KCNMA1: variants seen among roughly 807,000 people sequenced by gnomAD.
KCNMA1 encodes potassium calcium-activated channel subfamily M alpha 1.
Under a neutral mutation model 140.0 loss-of-function variants are expected in KCNMA1, and 29 were observed. The ratio of observed to expected loss-of-function variants is 0.21; its 90% CI spans 0.15 to 0.28. The LOEUF (loss-of-function observed/expected upper bound fraction) is 0.28. Ranked by LOEUF, KCNMA1 falls within the 10% of genes least tolerant of loss-of-function variation. KCNMA1 has a pLI of 1.00. For missense variants in KCNMA1, 880 were observed against 1,602.2 expected, an observed-to-expected ratio of 0.55 and a Z score of 7.70; for synonymous variants, 612 against 611.9, an observed-to-expected ratio of 1.00 and a Z score of 0.00.
chr10:77,137,559 C>T (rs1395423984), intron 5 of KCNMA1, among the ~76,000 whole-genome samples: 2 of 152,152 alleles, frequency 1.3e-5, no homozygotes, highest in African/African-American at 4.8e-5. Context: ...CTCCCATCCC[C>T]AGCTTGGTCA....
chr10:77,330,697 G>A (rs899010012), intron 2 of KCNMA1, among the ~76,000 whole-genome samples: 63 of 152,260 alleles, frequency 4.1e-4, no homozygotes, highest in Non-Finnish European at 4.3e-4. Context: ...AGCTATCAGT[G>A]AATGGCAAAA....
chr10:77,464,699 C>G (rs550378091), intron 1 of KCNMA1, among the ~76,000 whole-genome samples: 1 of 152,118 alleles, frequency 6.6e-6, no homozygotes, highest in African/African-American at 2.4e-5. Flanking sequence ...GCCAGGCTCC[C>G]GGCCCTCTAA....
Position 77,172,588 on chromosome 10 carries a change from A to G in KCNMA1, c.808+10833T>C, listed in dbSNP as rs888686803. Among the ~76,000 whole-genome samples, 18 of 152,148 alleles carry G rather than the reference A, an allele frequency of 1.2e-4. 1 individual carries two copies. Among genetic ancestry groups the G allele is most frequent in the Admixed American group, 2.0e-4 (3 of 15,290 alleles). ...GCTGGGCTGCCTTCTTCAGAGCCCA[A>G]TCATAGGGACAGAACTTAATAATGA... On this transcript the variant is annotated intron_variant, in intron 5 of 27. Transcript: ENST00000286628.
At chr10:77,156,575 G>GT (rs1279242093) in intron 5 of KCNMA1, among the ~76,000 whole-genome samples, 1 of 152,172 alleles carries the variant, frequency 6.6e-6, no homozygotes, top group Middle Eastern at 3.2e-3. Flanking sequence ...AATTGTCCTT[G>GT]TAAAACTAAC....
intron 1 of KCNMA1, among the ~76,000 whole-genome samples, chr10:77,539,837 C>T (rs572355821): frequency 8.5e-5 from 13 of 152,278 alleles, no homozygotes; most frequent in African/African-American, 3.1e-4. Flanking sequence ...GCTGGGGAAG[C>T]AGTGGGAATA....
At chr10:77,621,122 A>G (rs2091234289) in intron 1 of KCNMA1, among the ~76,000 whole-genome samples, 1 of 152,368 alleles carries the variant, frequency 6.6e-6, no homozygotes, top group African/African-American at 2.4e-5. Flanking sequence ...AGAGAGCCAT[A>G]TTGAAATATA....
chr10:77,358,048 T>C (rs1002491074), intron 2 of KCNMA1, among the ~76,000 whole-genome samples: 1 of 152,142 alleles, frequency 6.6e-6, no homozygotes, highest in Non-Finnish European at 1.5e-5. Flanking sequence ...CAGATAAATA[T>C]TTGAGCCAAA....
At chr10:77,253,154 T>A (rs1353096098) in intron 2 of KCNMA1, among the ~76,000 whole-genome samples, 5 of 152,332 alleles carry the variant, frequency 3.3e-5, no homozygotes, top group Admixed American at 3.3e-4. Flanking sequence ...CATAAGCAGT[T>A]AGATCCTGGC....
chr10:77,325,019 AAGAG>A (rs2083646766), intron 2 of KCNMA1, among the ~76,000 whole-genome samples: 1 of 99,204 alleles, frequency 1.0e-5, no homozygotes, highest in Non-Finnish European at 2.2e-5. Context: ...GTGTCAGAGA[AAGAG>A]AGTGAGATTG....
At chr10:77,368,080 AT>A (rs1447785673) in intron 2 of KCNMA1, among the ~76,000 whole-genome samples, 1 of 152,222 alleles carries the variant, frequency 6.6e-6, no homozygotes, top group African/African-American at 2.4e-5. Context: ...TTCTGGTAAT[AT>A]GCTAAGTATA....
intron 2 of KCNMA1, among the ~76,000 whole-genome samples, chr10:77,264,046 G>C (rs1046249590): frequency 6.6e-6 from 1 of 152,112 alleles, no homozygotes; most frequent in South Asian, 2.1e-4. Flanking sequence ...AGTTTCACAA[G>C]ATAGCATCCC....
At chr10:77,193,154 G>T (rs1173446229) in intron 3 of KCNMA1, among the ~76,000 whole-genome samples, 1 of 151,924 alleles carries the variant, frequency 6.6e-6, no homozygotes, top group African/African-American at 2.4e-5. Flanking sequence ...AATATCTCTT[G>T]TAAGTTTTCT....
intron 1 of KCNMA1, among the ~76,000 whole-genome samples, chr10:77,437,600 C>G (rs1401451309): frequency 6.6e-6 from 1 of 152,160 alleles, no homozygotes; most frequent in Non-Finnish European, 1.5e-5. Flanking sequence ...AACAGTGTTA[C>G]ATACATTCCT....
At position 77,027,903 on chromosome 10, in the gene KCNMA1, T is replaced by C. The variant is rs774751485; in HGVS notation, c.1860-12A>G. 1.5e-5 allele frequency: 24 copies of C among 1,611,448 alleles called. No homozygotes were observed. The highest frequency in any genetic ancestry group is 1.2e-4 in the Admixed American group (7 of 59,972). Reference sequence around the variant, plus strand: ...TCACAAAACACAGCCTGCAATGAGATGGAGAAGCCTCCCAATCAGTTCTTC... The same window carrying C: ...TCACAAAACACAGCCTGCAATGAGACGGAGAAGCCTCCCAATCAGTTCTTC... On this transcript the variant is annotated splice_polypyrimidine_tract_variant and intron_variant, in intron 15 of 27. Coordinates refer to ENST00000286628, the MANE Select transcript of KCNMA1 (RefSeq NM_001161352.2).
In KCNMA1 at chr10:77,515,373, GA is replaced by G. The variant is rs1008207305; in HGVS notation, c.379-111351del. On this transcript the variant is annotated intron_variant, in intron 1 of 27. Transcript: ENST00000286628. ...TCCTTTGTAAATATAGGCAATTGAT[GA>G]AAAAAAAAATTAAAAAACAATGAAG... Among the ~76,000 whole-genome samples the G allele has an allele frequency of 4.3e-3, 648 of 150,272 alleles. 6 individuals are homozygous for G. The highest frequency in any genetic ancestry group is 0.015 in the African/African-American group (604 of 41,062).
chr10:77,320,245 A>G (rs1320143935), intron 2 of KCNMA1, among the ~76,000 whole-genome samples: 1 of 152,174 alleles, frequency 6.6e-6, no homozygotes, highest in Non-Finnish European at 1.5e-5. Flanking sequence ...CACAAAAGAA[A>G]TATGCTCTGG....
intron 14 of KCNMA1, among the ~76,000 whole-genome samples, chr10:77,064,951 A>G (rs2095874258): frequency 6.6e-6 from 1 of 152,218 alleles, no homozygotes; most frequent in Admixed American, 6.5e-5. Context: ...TTCTACATTG[A>G]ATCAAAGCTC....
rs541473724 is a variant in KCNMA1 at position 76,919,261 on chromosome 10, A to G, written c.2903-4212T>C. On this transcript the variant is annotated intron_variant, in intron 23 of 27. Coordinates refer to ENST00000286628, the MANE Select transcript of KCNMA1 (RefSeq NM_001161352.2). ...AAATCTCACAGATCACCACTAAAGA[A>G]CTTACTCATGCAACCAAACACCACC... Among the ~76,000 whole-genome samples the G allele has an allele frequency of 2.9e-4, 44 of 152,236 alleles. 1 individual carries two copies. Among genetic ancestry groups the G allele is most frequent in the African/African-American group, 1.0e-3 (43 of 41,540 alleles).
At chr10:76,986,118 G>C (rs1768727379) in intron 19 of KCNMA1, among the ~76,000 whole-genome samples, 1 of 152,148 alleles carries the variant, frequency 6.6e-6, no homozygotes, top group Non-Finnish European at 1.5e-5. Context: ...AGGCAGTGGA[G>C]TTCTTGGATT....
Sources: gnomAD v4.1 joint callset for allele counts (sites outside exome capture counted in the v4.1 genomes callset) on GRCh38, gnomAD v4.1.1 for gene constraint, MANE v1.5 for transcripts, NCBI Gene and HGNC (gene_info 2026-07-23, HGNC 2026-07-21) for gene names.